Variants in DOCK1 observed in about 807,000 individuals in gnomAD.
DOCK1 encodes the protein dedicator of cytokinesis protein 1.
Under a neutral mutation model 262.7 loss-of-function variants are expected in DOCK1, and 138 were observed. The ratio of observed to expected loss-of-function variants is 0.53; its 90% CI spans 0.46 to 0.61. The LOEUF (loss-of-function observed/expected upper bound fraction) is 0.61, where lower values mean the gene tolerates loss of function less well. Among genes scored for constraint, DOCK1 ranks in the 20% least tolerant of loss-of-function variants. The probability of loss-of-function intolerance (pLI) is 0.00; values close to 1 mark genes in which losing one functional copy is unlikely to be tolerated. For missense variants in DOCK1, 1,908 were observed against 2,370.7 expected, an observed-to-expected ratio of 0.80 and a Z score of 4.05; for synonymous variants, 866 against 867.4, an observed-to-expected ratio of 1.00 and a Z score of 0.03.
intron 31 of DOCK1, among the ~76,000 whole-genome samples, 192 bp downstream of exon 31, chr10:127,343,938 ATCCTGGAAGGTTCCAGGTCAGTG>A (rs2063529051): frequency 6.6e-6 from 1 of 152,256 alleles, no homozygotes; most frequent in African/African-American, 2.4e-5. Flanking sequence ...TGCAGGACTC[ATCCTGGAAGGTTCCAGGTCAGTG>A]TAATCCAAGA....
intron 21 of DOCK1, among the ~76,000 whole-genome samples, chr10:127,048,351 C>A (rs776358226): frequency 6.6e-6 from 1 of 151,672 alleles, no homozygotes; most frequent in Non-Finnish European, 1.5e-5. Context: ...TTGTCTGTTT[C>A]TTATTGATGT....
chr10:127,359,900 G>A (rs777131993), intron 32 of DOCK1, among the ~76,000 whole-genome samples: 9 of 152,162 alleles, frequency 5.9e-5, no homozygotes, highest in Non-Finnish European at 1.0e-4. Flanking sequence ...GTTAATTCGG[G>A]ATACATTGCT....
intron 33 of DOCK1, 57 bp downstream of exon 33, chr10:127,362,269 A>T: frequency 1.9e-6 from 3 of 1,579,154 alleles, no homozygotes; most frequent in Non-Finnish European, 2.6e-6. Flanking sequence ...CAAACCTGAA[A>T]ACCTTCAAAG....
At chr10:127,373,923 G>C (rs780447701) in intron 34 of DOCK1, 57 bp downstream of exon 34, 7 of 1,556,414 alleles carry the variant, frequency 4.5e-6, no homozygotes, top group Non-Finnish European at 6.1e-6. Flanking sequence ...CAGAGAGACC[G>C]TAATTAGACT....
At chr10:126,927,796 G>A (rs2033871456) in intron 1 of DOCK1, among the ~76,000 whole-genome samples, 2 of 152,252 alleles carry the variant, frequency 1.3e-5, no homozygotes, top group South Asian at 2.1e-4. Flanking sequence ...CCCACGTGGC[G>A]ACACCCTCCC....
intron 1 of DOCK1, among the ~76,000 whole-genome samples, chr10:126,948,567 A>G (rs1454970357): frequency 4.0e-5 from 6 of 151,804 alleles, no homozygotes; most frequent in African/African-American, 1.5e-4. Context: ...TGGGGTCGGG[A>G]TAGGCACCCT....
chr10:127,172,076 A>G (rs553045452), intron 27 of DOCK1, among the ~76,000 whole-genome samples: 1 of 152,334 alleles, frequency 6.6e-6, no homozygotes, highest in South Asian at 2.1e-4. Flanking sequence ...CAGTGTACAC[A>G]GAGTGCATTT....
chr10:127,023,320 T>C lies in DOCK1; in HGVS notation c.1448T>C (p.Leu483Ser), dbSNP rs372790668. The part of the protein sequence containing the change: ...VSVYDEDGKR[L>S]EHVIFPGAGD... ...GTGTACGATGAGGATGGGAAACGAT[T>C]AGAGGTATTTATTGTGGCGAGGGCT... Residue 483 changes from leucine (L) to serine (S), a missense_variant, in exon 14 of 52, where the codon TTA becomes TCA. Transcript: ENST00000623213. The C allele has an allele frequency of 5.3e-5, 86 of 1,613,604 alleles. 1 individual carries two copies. Among genetic ancestry groups the C allele is most frequent in the South Asian group, 1.4e-4 (13 of 91,018 alleles).
intron 29 of DOCK1, among the ~76,000 whole-genome samples, chr10:127,288,773 TCACACA>T (rs3221847): frequency 0.071 from 10,148 of 143,478 alleles, 390 homozygotes; most frequent in Non-Finnish European, 0.087. Context: ...TGTATATATT[TCACACA>T]CACACACACA....
chr10:127,418,560 T>TG lies in DOCK1; in HGVS notation c.4692+20dup, dbSNP rs1451072259. Reference sequence around the variant, plus strand: ...CGAAAAGGTACGGGACCCACCAGCTTGCTCTGGGCAAGCAGTCCTGCCCGG... The same window carrying TG: ...CGAAAAGGTACGGGACCCACCAGCTTGGCTCTGGGCAAGCAGTCCTGCCCGG... On this transcript the variant is annotated intron_variant, in intron 45 of 51. Transcript: ENST00000623213. The TG allele has an allele frequency of 1.2e-5, 19 of 1,606,410 alleles. No homozygotes were observed. Among genetic ancestry groups the TG allele is most frequent in the Non-Finnish European group, 1.6e-5 (19 of 1,176,850 alleles).
intron 44 of DOCK1, among the ~76,000 whole-genome samples, chr10:127,416,078 G>A (rs1287897667): frequency 1.3e-5 from 2 of 152,172 alleles, no homozygotes; most frequent in Non-Finnish European, 2.9e-5. Context: ...GTCCAGCGCC[G>A]AGCCTTCTCC....
intron 27 of DOCK1, among the ~76,000 whole-genome samples, chr10:127,206,855 T>C (rs763246168): frequency 6.6e-6 from 1 of 152,208 alleles, no homozygotes; most frequent in East Asian, 1.9e-4. Context: ...CTTTGCTCCA[T>C]TGGAACTTAA....
At chr10:127,096,164 C>T (rs1360113831) in intron 23 of DOCK1, among the ~76,000 whole-genome samples, 1 of 152,182 alleles carries the variant, frequency 6.6e-6, no homozygotes, top group Non-Finnish European at 1.5e-5. Flanking sequence ...TCTTTTTGTT[C>T]TGGACTGCTG....
intron 29 of DOCK1, among the ~76,000 whole-genome samples, chr10:127,283,420 T>C (rs898307707): frequency 1.2e-4 from 19 of 152,252 alleles, no homozygotes; most frequent in Non-Finnish European, 8.8e-5. Context: ...GCACACTGTC[T>C]GATCCAACTC....
At chr10:127,297,841 T>C (rs1344514609) in intron 29 of DOCK1, among the ~76,000 whole-genome samples, 1 of 152,130 alleles carries the variant, frequency 6.6e-6, no homozygotes, top group Non-Finnish European at 1.5e-5. Context: ...ATCCCAAAGC[T>C]ATGCATTATT....
At chr10:127,261,083 GTGCT>G (rs2060053022) in intron 29 of DOCK1, among the ~76,000 whole-genome samples, 1 of 141,388 alleles carries the variant, frequency 7.1e-6, no homozygotes, top group Non-Finnish European at 1.5e-5. Flanking sequence ...GTGTGTACCT[GTGCT>G]CATCTGTGTG....
In DOCK1 at chr10:127,012,324, C is replaced by T. The variant is rs367857182; in HGVS notation, c.1151C>T (p.Thr384Ile). 2 of 1,613,942 alleles carry T rather than the reference C, an allele frequency of 1.2e-6. No homozygotes were observed. Among genetic ancestry groups the T allele is most frequent in the Non-Finnish European group, 1.7e-6 (2 of 1,179,912 alleles). ...GCAGGGGAGAATGACTTCCTTCAGA[C>T]TGTTATAAACAAAGTCATCGCTGCC... ...RVAGENDFLQTVINKVIAAKE... is the reference protein window; with the variant it reads ...RVAGENDFLQIVINKVIAAKE... The change falls in exon 12 of 52, where the codon ACT (threonine) becomes ATT (isoleucine). Residue 384 changes from threonine (T) to isoleucine (I), a missense_variant. By Grantham distance (89) the Thr-to-Ile change is moderately conservative. Around this residue, in one of 9 missense-constraint regions of DOCK1, gnomAD observed 57 missense variants for 39.7 expected, o/e 1.44. Coordinates refer to ENST00000623213, the MANE Select transcript of DOCK1 (RefSeq NM_001290223.2). The surrounding 1 kb of genome is among the most constrained non-coding windows in gnomAD (Gnocchi z 4.0).
At chr10:127,378,633 A>G (rs777733130) in intron 35 of DOCK1, among the ~76,000 whole-genome samples, 12 of 152,202 alleles carry the variant, frequency 7.9e-5, no homozygotes, top group Non-Finnish European at 1.8e-4. Flanking sequence ...AGGTCGCATG[A>G]TATTCCCGTT....
At chr10:126,949,070 C>G (rs990854630) in intron 1 of DOCK1, among the ~76,000 whole-genome samples, 3 of 152,172 alleles carry the variant, frequency 2.0e-5, no homozygotes, top group South Asian at 4.2e-4. Flanking sequence ...CCTCCCCTTT[C>G]TGGGAGTGGT....
Sources: gnomAD v4.1 joint callset for allele counts (sites outside exome capture counted in the v4.1 genomes callset) on GRCh38, gnomAD v4.1.1 for gene constraint, gnomAD v4.1.1 regional missense constraint, Gnocchi (gnomAD v3.1) non-coding constraint, MANE v1.5 for transcripts, NCBI Gene and HGNC (gene_info 2026-07-23, HGNC 2026-07-21) for gene names.